Variants in KIDINS220 observed in about 807,000 individuals in gnomAD.
KIDINS220 encodes the protein kinase D-interacting substrate of 220 kDa.
Under a neutral mutation model 157.6 loss-of-function variants are expected in KIDINS220, and 63 were observed. The ratio of observed to expected loss-of-function variants is 0.40; its 90% confidence interval spans 0.33 to 0.49. KIDINS220 has a LOEUF of 0.49. KIDINS220 is among the 20% of genes least tolerant of loss of function. The probability of loss-of-function intolerance (pLI) is 0.66; values close to 1 mark genes in which losing one functional copy is unlikely to be tolerated. For missense variants in KIDINS220, 1,772 were observed against 2,171.2 expected, an observed-to-expected ratio of 0.82 and a Z score of 3.65; for synonymous variants, 732 against 783.6, an observed-to-expected ratio of 0.93 and a Z score of 1.10.
chr2:8,726,814 G>T, downstream of KIDINS220: 1 of 639,506 alleles, frequency 1.6e-6, no homozygotes, highest in Non-Finnish European at 2.5e-6. Flanking sequence ...CACAGATGTG[G>T]TCCTTTGTTG....
At chr2:8,750,910 A>G (rs1667254490) in intron 23 of KIDINS220, among the ~76,000 whole-genome samples, 1 of 152,208 alleles carries the variant, frequency 6.6e-6, no homozygotes, top group South Asian at 2.1e-4. Flanking sequence ...CATACAAAAG[A>G]CTGTTTCAAT....
rs367866337 is a variant in KIDINS220, at chr2:8,731,586, C to G, written c.4450G>C (p.Asp1484His). The change falls in exon 30 of 30, where the codon GAT (aspartate) becomes CAT (histidine). Residue 1484 changes from aspartate (D) to histidine (H), a missense_variant. Physicochemically the swap from Asp to His is moderately conservative, Grantham distance 81. Coordinates refer to ENST00000256707, the MANE Select transcript of KIDINS220 (RefSeq NM_020738.4). This position sits in a 1 kb window ranked among gnomAD's most constrained non-coding sequence, Gnocchi z 5.2. ...DPITEEDEKSDQSGSKLLPGK... is the reference protein window; with the variant it reads ...DPITEEDEKSHQSGSKLLPGK... The stretch of plus-strand genomic sequence containing the variant: ...GGGAGAAGCTTACTGCCTGACTGAT[C>G]TGATTTTTCATCTTCTTCAGTGATA... 3.3e-5 allele frequency: 54 copies of G among 1,614,012 alleles called. No individual in the cohort carries two copies. The highest frequency in any genetic ancestry group is 9.9e-5 in the South Asian group (9 of 91,080).
chr2:8,798,145 A>G, intron 10 of KIDINS220, 57 bp downstream of exon 10: 2 of 959,274 alleles, frequency 2.1e-6, no homozygotes, highest in Non-Finnish European at 3.3e-6. Flanking sequence ...AAATAAAATG[A>G]GCAGTACTAA....
intron 21 of KIDINS220, among the ~76,000 whole-genome samples, chr2:8,774,486 C>A (rs1670691366): frequency 6.6e-6 from 1 of 151,814 alleles, no homozygotes; most frequent in Non-Finnish European, 1.5e-5. Flanking sequence ...GCAAAGCATA[C>A]CAAAGAAGAT....
intron 26 of KIDINS220, among the ~76,000 whole-genome samples, chr2:8,740,453 T>C (rs957817683): frequency 2.0e-5 from 3 of 152,206 alleles, no homozygotes; most frequent in Non-Finnish European, 4.4e-5. Context: ...ATTGAAAGAA[T>C]AAATCATGAG....
chr2:8,757,825 C>G (rs1668226902), intron 22 of KIDINS220: 13 of 1,477,714 alleles, frequency 8.8e-6, no homozygotes, highest in Non-Finnish European at 1.2e-5. Flanking sequence ...ATGGCTCTGT[C>G]CTCCTAAATC....
At position 8,776,815 on chromosome 2, in the gene KIDINS220, G is replaced by A. The variant is rs2304590; in HGVS notation, c.2781C>T (p.Thr927=). Residue 927 remains threonine (T), a synonymous_variant, in exon 21 of 30, where the codon ACC becomes ACT. Transcript: ENST00000256707. ...GACTGATGTCACTGAACCAGTCCTCGGTAACCAGCAGTTTTGTAAGATCAA... is the reference window on the plus strand; with the variant it reads ...GACTGATGTCACTGAACCAGTCCTCAGTAACCAGCAGTTTTGTAAGATCAA... The part of the protein sequence containing the change: ...MSFDLTKLLV[T]EDWFSDISPQ... 286 of 1,613,918 alleles carry A rather than the reference G, an allele frequency of 1.8e-4. 1 individual carries two copies. In the East Asian group the frequency reaches 3.5e-3, roughly 20 times the overall value.
intron 1 of KIDINS220, among the ~76,000 whole-genome samples, chr2:8,837,038 G>C (rs898670613): frequency 6.6e-6 from 1 of 152,172 alleles, no homozygotes; most frequent in Non-Finnish European, 1.5e-5. Context: ...CACGATAAAA[G>C]CAAGGGAGAA....
intron 26 of KIDINS220, among the ~76,000 whole-genome samples, chr2:8,738,963 TC>T (rs1665254000): frequency 6.6e-6 from 1 of 152,210 alleles, no homozygotes; most frequent in South Asian, 2.1e-4. Context: ...ATTTCAAAAA[TC>T]CCGAAATCTC....
At chr2:8,779,863 G>A in intron 17 of KIDINS220, 49 bp from the exon 18 acceptor site, 1 of 1,582,526 alleles carries the variant, frequency 6.3e-7, no homozygotes, top group Non-Finnish European at 8.6e-7. Context: ...GATCCAAGAA[G>A]CTTAAACATA....
intron 2 of KIDINS220, among the ~76,000 whole-genome samples, chr2:8,820,263 T>A (rs998070370): frequency 6.6e-6 from 1 of 152,204 alleles, no homozygotes; most frequent in African/African-American, 2.4e-5. Context: ...AACCACATTT[T>A]CATTGTGTGA....
intron 15 of KIDINS220, among the ~76,000 whole-genome samples, chr2:8,787,348 A>T (rs1292132864): frequency 6.6e-6 from 1 of 150,756 alleles, no homozygotes; most frequent in Non-Finnish European, 1.5e-5. Context: ...ATTTTTTCTT[A>T]TAACTAAAAA....
intron 22 of KIDINS220, among the ~76,000 whole-genome samples, chr2:8,767,363 T>C (rs764461867): frequency 6.6e-6 from 1 of 152,140 alleles, no homozygotes; most frequent in Non-Finnish European, 1.5e-5. Context: ...TTCTAAGCTA[T>C]ATATAAAAAA....
In KIDINS220 at chr2:8,785,953, CA is replaced by C; in HGVS notation, c.2016del (p.Gly673GlufsTer15). ...IFLFIIGCII[S>X]GITLLAIFRV... ...CTAAATATAGCCAGAAGAGTAATTC[CA>C]GATATAATGCAGCCAATGATAAAAA... On this transcript the variant is annotated frameshift_variant, in exon 17 of 30. Coordinates refer to ENST00000256707, the MANE Select transcript of KIDINS220 (RefSeq NM_020738.4). LOFTEE classifies it high-confidence loss of function. The C allele has an allele frequency of 6.2e-7, 1 of 1,613,786 alleles. No individual in the cohort carries two copies. Among genetic ancestry groups the C allele is most frequent in the Non-Finnish European group, 8.5e-7 (1 of 1,179,850 alleles).
chr2:8,740,162 T>C (rs962321037), intron 26 of KIDINS220: 43 of 984,178 alleles, frequency 4.4e-5, no homozygotes, highest in Non-Finnish European at 5.1e-5. Context: ...CTGTCTCTGT[T>C]TGTTAAACCC....
At chr2:8,797,981 T>C (rs149649577) in intron 10 of KIDINS220, among the ~76,000 whole-genome samples, 1 of 152,340 alleles carries the variant, frequency 6.6e-6, no homozygotes, top group African/African-American at 2.4e-5. Context: ...ATGGCTGATA[T>C]TGCACTTCCT....
chr2:8,734,715 A>G lies in KIDINS220; in HGVS notation c.3756T>C (p.Ile1252=). 1 of 1,613,630 alleles carries G rather than the reference A, an allele frequency of 6.2e-7. No individual in the cohort carries two copies. The highest frequency in any genetic ancestry group is 8.5e-7 in the Non-Finnish European group (1 of 1,179,828). ...INGRVLAQCN[I]DELKKEMNMN... ...TATTCATCTCTTTCTTCAGCTCATCAATGTTACACTGAGCTAACACACGGC... is the reference window on the plus strand; with the variant it reads ...TATTCATCTCTTTCTTCAGCTCATCGATGTTACACTGAGCTAACACACGGC... Residue 1252 remains isoleucine (I), a synonymous_variant, in exon 28 of 30, where the codon ATT becomes ATC. Transcript: ENST00000256707.
At chr2:8,815,241 A>G (rs1295140343) in intron 4 of KIDINS220, among the ~76,000 whole-genome samples, 1 of 151,854 alleles carries the variant, frequency 6.6e-6, no homozygotes, top group Non-Finnish European at 1.5e-5. Context: ...CCTCTACAAA[A>G]AATACAAAAA....
rs763893835 is a variant in KIDINS220 at position 8,792,439 on chromosome 2, C to CA, written c.1277-1216dup. On this transcript the variant is annotated intron_variant, in intron 12 of 29. Coordinates refer to ENST00000256707, the MANE Select transcript of KIDINS220 (RefSeq NM_020738.4). ...AAAACTAAAAAGTGGGCAAAGGATA[C>CA]AAAAAGGAAACTGGCAAGAATACAA... 5.3e-5 allele frequency among the ~76,000 whole-genome samples: 8 copies of CA among 152,020 alleles called. No individual in the cohort carries two copies. The Middle Eastern group carries it at 0.017, about 323-fold the overall frequency.
Sources: allele counts gnomAD v4.1 joint callset (sites outside exome capture counted in the v4.1 genomes callset), GRCh38; gene constraint gnomAD v4.1.1; non-coding constraint Gnocchi (gnomAD v3.1); transcripts MANE v1.5; gene names NCBI Gene and HGNC (gene_info 2026-07-23, HGNC 2026-07-21).